Variants in DIAPH2 observed in about 807,000 individuals in gnomAD.
The protein encoded by DIAPH2 is protein diaphanous homolog 2.
DIAPH2 carries 35 observed loss-of-function variants against 92.7 expected under a neutral mutation model. That is an observed-to-expected ratio of 0.38 (90% confidence interval 0.29 to 0.50). The LOEUF is 0.50. Ranked by LOEUF, DIAPH2 falls within the 20% of genes least tolerant of loss-of-function variation. The probability of loss-of-function intolerance (pLI) is 0.94; values close to 1 mark genes in which losing one functional copy is unlikely to be tolerated. For missense variants in DIAPH2, 701 were observed against 819.5 expected, an observed-to-expected ratio of 0.86 and a Z score of 1.77; for synonymous variants, 301 against 280.4, an observed-to-expected ratio of 1.07 and a Z score of -0.73.
At chrX:96,934,407 G>C (rs1049281866) in intron 10 of DIAPH2, among the ~76,000 whole-genome samples, 2 of 111,094 alleles carry the variant, frequency 1.8e-5, no homozygotes, top group East Asian at 5.6e-4. Flanking sequence ...CAGCAAATTA[G>C]ATGTGACTAG....
intron 19 of DIAPH2, among the ~76,000 whole-genome samples, chrX:97,096,482 C>A (rs971659993): frequency 2.7e-5 from 3 of 111,154 alleles, no homozygotes; most frequent in African/African-American, 9.8e-5. Context: ...CTTACACATT[C>A]TCTGAATTAA....
intron 26 of DIAPH2, among the ~76,000 whole-genome samples, chrX:97,532,074 G>A (rs1188307652): frequency 1.8e-5 from 2 of 112,614 alleles, no homozygotes; most frequent in African/African-American, 6.4e-5. Context: ...ACGATGATTA[G>A]ATCACATCTG....
intron 22 of DIAPH2, among the ~76,000 whole-genome samples, chrX:97,142,900 A>G (rs1260134440): frequency 9.0e-6 from 1 of 111,626 alleles, no homozygotes; most frequent in East Asian, 2.8e-4. Context: ...TAAGTTAAAA[A>G]TAGTGAATCT....
intron 1 of DIAPH2, among the ~76,000 whole-genome samples, chrX:96,731,173 TC>T (rs1225828019): frequency 9.0e-6 from 1 of 111,217 alleles, no homozygotes; most frequent in African/African-American, 3.3e-5. Context: ...CTTCGGGCCA[TC>T]GGGGTGTATA....
chrX:97,165,002 C>T (rs781349326), intron 22 of DIAPH2, among the ~76,000 whole-genome samples: 131 of 112,530 alleles, frequency 1.2e-3, no homozygotes, highest in African/African-American at 4.2e-3. Flanking sequence ...TTGTATTTCA[C>T]TCTTTCAACA....
intron 23 of DIAPH2, among the ~76,000 whole-genome samples, chrX:97,272,012 C>G (rs977983205): frequency 9.3e-6 from 1 of 107,883 alleles, no homozygotes; most frequent in Non-Finnish European, 1.9e-5. Flanking sequence ...TTTTTTTTTT[C>G]TTTAAGATGG....
chrX:96,968,879 A>T (rs1005739626), intron 17 of DIAPH2, among the ~76,000 whole-genome samples: 1 of 112,368 alleles, frequency 8.9e-6, no homozygotes. Flanking sequence ...TTAATTCTTT[A>T]ATCCATTTTG....
At chrX:97,430,417 C>T (rs935814219) in intron 26 of DIAPH2, among the ~76,000 whole-genome samples, 2 of 112,316 alleles carry the variant, frequency 1.8e-5, no homozygotes, top group African/African-American at 6.5e-5. Context: ...AATGTAATAG[C>T]TCCTCTAAGG....
chrX:97,537,478 G>A (rs2071105163), intron 26 of DIAPH2, among the ~76,000 whole-genome samples: 1 of 112,077 alleles, frequency 8.9e-6, no homozygotes, highest in South Asian at 3.7e-4. Flanking sequence ...GGTTAGTTAG[G>A]TGTGGTAAAC....
At chrX:97,429,054 A>G (rs1200481067) in intron 25 of DIAPH2, among the ~76,000 whole-genome samples, 1 of 112,045 alleles carries the variant, frequency 8.9e-6, no homozygotes, top group Admixed American at 9.5e-5. Flanking sequence ...ACTCTGGCTG[A>G]TGTCCCTAAA....
chrX:97,130,590 G>C (rs1332860708), intron 21 of DIAPH2, among the ~76,000 whole-genome samples: 1 of 111,860 alleles, frequency 8.9e-6, no homozygotes, highest in African/African-American at 3.3e-5. Context: ...TGTTTACCAA[G>C]GGTTGGGGGA....
At chrX:97,309,610 C>A (rs1298994091) in intron 23 of DIAPH2, among the ~76,000 whole-genome samples, 2 of 111,722 alleles carry the variant, frequency 1.8e-5, no homozygotes, top group Non-Finnish European at 3.8e-5. Flanking sequence ...TTATAAATAA[C>A]ATTTCAAGAA....
At chrX:97,220,671 A>G (rs1265357196) in intron 22 of DIAPH2, among the ~76,000 whole-genome samples, 1 of 111,738 alleles carries the variant, frequency 8.9e-6, no homozygotes, top group Non-Finnish European at 1.9e-5. Flanking sequence ...AGAGAAGTAG[A>G]TGTCCTAACA....
intron 26 of DIAPH2, among the ~76,000 whole-genome samples, chrX:97,561,947 A>G (rs2071296605): frequency 8.9e-6 from 1 of 112,403 alleles, no homozygotes; most frequent in Non-Finnish European, 1.9e-5. Context: ...ATATTTTTCA[A>G]AGGATCACAG....
intron 23 of DIAPH2, among the ~76,000 whole-genome samples, chrX:97,268,054 A>G (rs2068352585): frequency 8.9e-6 from 1 of 112,188 alleles, no homozygotes; most frequent in South Asian, 3.7e-4. Flanking sequence ...TTGGCCTGAG[A>G]AAGTTAAGCA....
intron 23 of DIAPH2, among the ~76,000 whole-genome samples, chrX:97,289,511 A>G (rs1355506564): frequency 9.0e-6 from 1 of 111,211 alleles, no homozygotes; most frequent in African/African-American, 3.3e-5. Flanking sequence ...AAGTTCTTGT[A>G]TCTCAGTGGT....
At chrX:96,881,061 G>A (rs1023981539) in intron 4 of DIAPH2, among the ~76,000 whole-genome samples, 1 of 111,681 alleles carries the variant, frequency 9.0e-6, no homozygotes, top group Admixed American at 9.5e-5. Flanking sequence ...GCTAATTGGA[G>A]ACTATATTGT....
chrX:97,103,900 T>C (rs1430067013), intron 20 of DIAPH2, among the ~76,000 whole-genome samples: 1 of 111,615 alleles, frequency 9.0e-6, no homozygotes, highest in Non-Finnish European at 1.9e-5. Flanking sequence ...GAACTTACCA[T>C]GTTCTTTCCT....
At chrX:97,281,659 G>A (rs1263781034) in intron 23 of DIAPH2, among the ~76,000 whole-genome samples, 10 of 108,822 alleles carry the variant, frequency 9.2e-5, no homozygotes, top group African/African-American at 3.0e-4. Flanking sequence ...CAGGAGAATC[G>A]CTTGAACCCA....
Sources: allele counts gnomAD v4.1 joint callset (sites outside exome capture counted in the v4.1 genomes callset), GRCh38; gene constraint gnomAD v4.1.1; transcripts MANE v1.5; gene names NCBI Gene and HGNC (gene_info 2026-07-23, HGNC 2026-07-21).